TPO: variants seen among roughly 807,000 people sequenced by gnomAD.
The protein encoded by TPO is thyroid peroxidase.
A neutral mutation model predicts 96.9 loss-of-function variants in TPO; 78 were observed. The observed-to-expected ratio is 0.81, with a 90% CI of 0.67 to 0.97. The LOEUF is 0.97. Ranked by LOEUF, TPO falls within the 50% of genes least tolerant of loss-of-function variation. The pLI, the probability that TPO is intolerant of heterozygous loss-of-function variation, is 0.00. For synonymous variants in TPO, 547 were observed against 538.0 expected, an observed-to-expected ratio of 1.02 and a Z score of -0.23; for missense variants, 1,252 against 1,274.8, an observed-to-expected ratio of 0.98 and a Z score of 0.27.
At chr2:1,516,598 C>T (rs1043057180) in intron 14 of TPO, among the ~76,000 whole-genome samples, 2 of 152,214 alleles carry the variant, frequency 1.3e-5, no homozygotes, top group African/African-American at 4.8e-5. Flanking sequence ...TGCTTTCTGT[C>T]CTGCAGGACG....
chr2:1,477,293 T>A lies in TPO; in HGVS notation c.1027T>A (p.Trp343Arg). The A allele has an allele frequency of 6.3e-7, 1 of 1,591,732 alleles. No individual in the cohort carries two copies. Among genetic ancestry groups the A allele is most frequent in the Non-Finnish European group, 8.5e-7 (1 of 1,170,754 alleles). ...SPALERQLRN[W>R]TSAEGLLRVH... Reference sequence around the variant, plus strand: ...GGCCCTAGAGAGGCAGCTGCGGAACTGGACCAGTGCCGAAGGGCTGCTCCG... The same window carrying A: ...GGCCCTAGAGAGGCAGCTGCGGAACAGGACCAGTGCCGAAGGGCTGCTCCG... The change falls in exon 8 of 17, where the codon TGG becomes AGG. Residue 343 changes from tryptophan to arginine, a missense_variant. Transcript: ENST00000329066.
chr2:1,423,287 A>T lies in TPO; in HGVS notation c.179+158A>T, dbSNP rs551717269. ...CCAGTGTCATGTGCAAGCAGCAGAC[A>T]GAACTGGTATTTAATCTCCAATCCT... On this transcript the variant is annotated intron_variant, in intron 3 of 16. Coordinates refer to ENST00000329066, the MANE Select transcript of TPO (RefSeq NM_001206744.2). Among the ~76,000 whole-genome samples the T allele has an allele frequency of 2.0e-5, 3 of 152,338 alleles. No individual in the cohort carries two copies. In the East Asian group the frequency reaches 5.8e-4, roughly 29 times the overall value.
At chr2:1,522,351 T>A (rs185212997) in intron 15 of TPO, among the ~76,000 whole-genome samples, 1,041 of 70,856 alleles carry the variant, frequency 0.015, 110 homozygotes, top group Middle Eastern at 0.028. Flanking sequence ...CCTCACAGAC[T>A]CTCTACCCCA....
intron 1 of TPO, among the ~76,000 whole-genome samples, chr2:1,377,587 G>T (rs1393176113): frequency 6.6e-6 from 1 of 152,180 alleles, no homozygotes; most frequent in Non-Finnish European, 1.5e-5. Flanking sequence ...CAGGGACCAG[G>T]CTGTGAGTCT....
Position 1,433,444 on chromosome 2 carries a change from C to G in TPO, c.186C>G (p.Leu62=), listed in dbSNP as rs1413436244. The G allele has an allele frequency of 6.8e-6, 11 of 1,614,088 alleles. No individual in the cohort carries two copies. In the Admixed American group the frequency reaches 1.8e-4, roughly 27 times the overall value. The change falls in exon 4 of 17, where the codon CTC becomes CTG. Residue 62 remains leucine, a synonymous_variant. Coordinates refer to ENST00000329066, the MANE Select transcript of TPO (RefSeq NM_001206744.2). The stretch of plus-strand genomic sequence containing the variant: ...TCTTCTTTATGTGCCATAGAAACCT[C>G]AAGAAAAGAGGAATCCTTTCTCCAG... ...TAMYATMQRN[L]KKRGILSPAQ...
intron 13 of TPO, among the ~76,000 whole-genome samples, chr2:1,500,553 C>A (rs78424599): frequency 6.6e-6 from 1 of 152,082 alleles, no homozygotes; most frequent in Admixed American, 6.5e-5. Flanking sequence ...AACACATCTG[C>A]GGCTACAGAA....
At chr2:1,538,116 T>TC (rs1360127402) in intron 15 of TPO, among the ~76,000 whole-genome samples, 4 of 107,412 alleles carry the variant, frequency 3.7e-5, no homozygotes, top group East Asian at 2.2e-4. Context: ...CCTCCTCAAA[T>TC]CCCCGCACTG....
At chr2:1,517,948 C>G (rs931333889) in intron 15 of TPO, among the ~76,000 whole-genome samples, 12 of 152,012 alleles carry the variant, frequency 7.9e-5, no homozygotes, top group East Asian at 3.9e-4. Flanking sequence ...GCTCCCCCCC[C>G]CAATATGCCC....
chr2:1,498,046 C>A (rs1367827123), intron 13 of TPO, among the ~76,000 whole-genome samples: 1 of 147,654 alleles, frequency 6.8e-6, no homozygotes, highest in African/African-American at 2.5e-5. Flanking sequence ...ATAAGTTGCA[C>A]AAGGTCAGTG....
intron 1 of TPO, among the ~76,000 whole-genome samples, chr2:1,397,093 G>A (rs543633057): frequency 2.0e-5 from 3 of 152,266 alleles, no homozygotes; most frequent in African/African-American, 7.2e-5. Context: ...GGAAACAATA[G>A]TAGGTGCCTC....
intron 15 of TPO, among the ~76,000 whole-genome samples, chr2:1,531,483 T>C (rs569724428): frequency 4.3e-4 from 12 of 27,660 alleles, no homozygotes; most frequent in East Asian, 1.5e-3. Context: ...CCCCAAATCC[T>C]CCCGACTCTG....
intron 3 of TPO, among the ~76,000 whole-genome samples, chr2:1,425,680 G>A (rs1269995248): frequency 1.3e-5 from 2 of 152,050 alleles, no homozygotes; most frequent in Non-Finnish European, 2.9e-5. Flanking sequence ...CATTGTTCTA[G>A]ATGCTGGGAT....
intron 7 of TPO, among the ~76,000 whole-genome samples, chr2:1,461,925 G>C (rs1668482709): frequency 6.6e-6 from 1 of 152,198 alleles, no homozygotes; most frequent in Non-Finnish European, 1.5e-5. Flanking sequence ...GGTTCCGGGG[G>C]GTCCGGGCAC....
chr2:1,427,157 G>C (rs1350856213), intron 3 of TPO, among the ~76,000 whole-genome samples: 1 of 152,232 alleles, frequency 6.6e-6, no homozygotes. Flanking sequence ...CAATGGAAAG[G>C]AGACCAGGGC....
At chr2:1,446,042 AC>A (rs1344493974) in intron 5 of TPO, among the ~76,000 whole-genome samples, 19 of 152,164 alleles carry the variant, frequency 1.2e-4, no homozygotes, top group Admixed American at 9.2e-4. Context: ...AAATTGGGGT[AC>A]GACTTATGCA....
Position 1,453,817 on chromosome 2 carries a change from G to A in TPO, c.606G>A (p.Leu202=), listed in dbSNP as rs1175571661. 4.3e-6 allele frequency: 7 copies of A among 1,613,604 alleles called. No homozygotes were observed. The African/African-American group carries it at 6.7e-5, about 15-fold the overall frequency. ...GCTTCTTGTACAACGGGTTCCCACT[G>A]CCCCCGGTGGGTACTCAGAACGCTA... ...NPGFLYNGFP[L]PPVREVTRHV... The change falls in exon 6 of 17, where the codon CTG becomes CTA. Residue 202 remains leucine, a synonymous_variant. Coordinates refer to ENST00000329066, the MANE Select transcript of TPO (RefSeq NM_001206744.2).
chr2:1,445,608 G>A (rs1429041958), intron 5 of TPO, among the ~76,000 whole-genome samples: 1 of 148,004 alleles, frequency 6.8e-6, no homozygotes, highest in Non-Finnish European at 1.5e-5. Flanking sequence ...CATTGCTGCA[G>A]GAGGTACCAT....
Position 1,477,258 on chromosome 2 carries a change from G to T in TPO, c.992G>T (p.Gly331Val), listed in dbSNP as rs1202866015. Residue 331 changes from glycine (G) to valine (V), a missense_variant, in exon 8 of 17, where the codon GGC (glycine) becomes GTC (valine). Physicochemically the swap from Gly to Val is moderately radical, Grantham distance 109. Coordinates refer to ENST00000329066, the MANE Select transcript of TPO (RefSeq NM_001206744.2). The stretch of plus-strand genomic sequence containing the variant: ...TTCCTGGACGCGTCCACCGTGTATG[G>T]CAGCTCCCCGGCCCTAGAGAGGCAG... ...TSFLDASTVY[G>V]SSPALERQLR... 26 of 1,606,018 alleles carry T rather than the reference G, an allele frequency of 1.6e-5. No individual in the cohort carries two copies. Among genetic ancestry groups the T allele is most frequent in the Non-Finnish European group, 2.2e-5 (26 of 1,177,414 alleles).
intron 15 of TPO, among the ~76,000 whole-genome samples, chr2:1,518,750 A>G (rs1374738729): frequency 6.6e-6 from 1 of 152,268 alleles, no homozygotes; most frequent in African/African-American, 2.4e-5. Context: ...GTCAGATGTA[A>G]TGCTAAGTCA....
Sources: gnomAD v4.1 joint callset for allele counts (sites outside exome capture counted in the v4.1 genomes callset) on GRCh38, gnomAD v4.1.1 for gene constraint, MANE v1.5 for transcripts, NCBI Gene and HGNC (gene_info 2026-07-23, HGNC 2026-07-21) for gene names.